Variants in NEMP2 observed in about 807,000 individuals in gnomAD.
NEMP2 encodes the protein nuclear envelope integral membrane protein 2.
In NEMP2, 53 loss-of-function variants were observed where a neutral mutation model predicts 54.2. That is an observed-to-expected ratio of 0.98 (90% CI 0.78 to 1.23). The LOEUF is 1.23. Among genes scored for constraint, NEMP2 ranks in the 50% most tolerant of loss-of-function variants. NEMP2 has a pLI of 0.00. For missense variants in NEMP2, 455 were observed against 511.3 expected, an observed-to-expected ratio of 0.89 and a Z score of 1.06; for synonymous variants, 197 against 190.3, an observed-to-expected ratio of 1.04 and a Z score of -0.29.
rs1690740365 is a variant in NEMP2 at position 190,521,208 on chromosome 2, C to T, written c.214-2025G>A. Among the ~76,000 whole-genome samples, 1 of 152,180 alleles carries T rather than the reference C, an allele frequency of 6.6e-6. No individual in the cohort carries two copies. Among genetic ancestry groups the T allele is most frequent in the Admixed American group, 6.5e-5 (1 of 15,286 alleles). ...ACAACTTCTTCCTCAATACTCAACA[C>T]CTTCTCCCCATCCTCTTCTCCACTG... On this transcript the variant is annotated intron_variant, in intron 2 of 8. Coordinates refer to ENST00000409150, the MANE Select transcript of NEMP2 (RefSeq NM_001142645.2). This position sits in a 1 kb window ranked among gnomAD's most constrained non-coding sequence, Gnocchi z 6.2.
chr2:190,509,159 C>T lies in NEMP2; in HGVS notation c.*30G>A. 6.4e-7 allele frequency: 1 copy of T among 1,551,152 alleles called. No homozygotes were observed. ...CCCTGCCCTTTGCCCACTTCCTTGT[C>T]CAGAATGAAGTCAACTTGAAGGTCG... On this transcript the variant is annotated 3_prime_UTR_variant, in exon 9 of 9. Coordinates refer to ENST00000409150, the MANE Select transcript of NEMP2 (RefSeq NM_001142645.2). This position sits in a 1 kb window ranked among gnomAD's most constrained non-coding sequence, Gnocchi z 6.1.
At chr2:190,625,066 C>T in the NEMP2 span, 1 of 152,174 alleles carries the variant, frequency 6.6e-6, no homozygotes, top group East Asian at 1.9e-4. Context: ...AAAAGTTAAC[C>T]ATGGAGTTGC....
chr2:190,613,682 G>A, the NEMP2 span, among the ~76,000 whole-genome samples: 1 of 152,016 alleles, frequency 6.6e-6, no homozygotes. Context: ...TCCGCCTCCT[G>A]GGTTCAAGCA....
chr2:190,457,625 C>T, the NEMP2 span, among the ~76,000 whole-genome samples: 3 of 152,198 alleles, frequency 2.0e-5, no homozygotes, highest in Non-Finnish European at 4.4e-5. This position sits in a 1 kb window ranked among gnomAD's most constrained non-coding sequence, Gnocchi z 5.1. Context: ...TGTACTGGCT[C>T]AGGCAGAATT....
chr2:190,512,173 GA>G lies in NEMP2; in HGVS notation c.954-1637del, dbSNP rs963177541. Among the ~76,000 whole-genome samples the G allele has an allele frequency of 3.9e-5, 6 of 152,266 alleles. 1 individual carries two copies. In the East Asian group the frequency reaches 1.2e-3, roughly 29 times the overall value. On this transcript the variant is annotated intron_variant, in intron 7 of 8. Transcript: ENST00000409150. The surrounding 1 kb of genome is among the most constrained non-coding windows in gnomAD (Gnocchi z 4.5). ...AAGACCTGGACATAGTCCTGGCTTT[GA>G]GATTTATTCACTATATGAACTTGGG...
At chr2:190,469,954 A>G in the NEMP2 span, 1 of 785,030 alleles carries the variant, frequency 1.3e-6, no homozygotes. This position sits in a 1 kb window ranked among gnomAD's most constrained non-coding sequence, Gnocchi z 5.3. Flanking sequence ...AAGGAAGGGC[A>G]GGCCTACTGT....
the NEMP2 span, among the ~76,000 whole-genome samples, chr2:190,482,399 CTTTT>C: frequency 4.9e-5 from 7 of 142,002 alleles, no homozygotes; most frequent in Non-Finnish European, 4.6e-5. Flanking sequence ...GGAAGCTTTC[CTTTT>C]TTTTTTTTTT....
chr2:190,423,302 A>G, the NEMP2 span, among the ~76,000 whole-genome samples: 1 of 152,108 alleles, frequency 6.6e-6, no homozygotes, highest in Admixed American at 6.5e-5. The surrounding 1 kb of genome is among the most constrained non-coding windows in gnomAD (Gnocchi z 4.3). Context: ...CCCACTCTCT[A>G]GTGAATTCCT....
the NEMP2 span, among the ~76,000 whole-genome samples, chr2:190,484,801 C>A: frequency 6.6e-6 from 1 of 152,124 alleles, no homozygotes; most frequent in African/African-American, 2.4e-5. Flanking sequence ...TTCACTTATA[C>A]GATATCTTAA....
At chr2:190,434,321 A>T in the NEMP2 span, among the ~76,000 whole-genome samples, 1 of 152,232 alleles carries the variant, frequency 6.6e-6, no homozygotes, top group South Asian at 2.1e-4. This position sits in a 1 kb window ranked among gnomAD's most constrained non-coding sequence, Gnocchi z 4.3. Context: ...CACTTTAATC[A>T]TTCAATCTTT....
the NEMP2 span, chr2:190,628,745 A>G: frequency 2.0e-5 from 3 of 152,264 alleles, no homozygotes; most frequent in Admixed American, 1.3e-4. The surrounding 1 kb of genome is among the most constrained non-coding windows in gnomAD (Gnocchi z 4.1). Context: ...GAGAGAAAGA[A>G]AAATAAATCT....
the NEMP2 span, among the ~76,000 whole-genome samples, chr2:190,543,141 C>T: frequency 4.6e-5 from 7 of 152,200 alleles, no homozygotes; most frequent in Non-Finnish European, 8.8e-5. The surrounding 1 kb of genome is among the most constrained non-coding windows in gnomAD (Gnocchi z 4.7). Flanking sequence ...GTTTGCCTGG[C>T]ACTAATAAAT....
chr2:190,532,030 T>C (rs1691162460), intron 1 of NEMP2, among the ~76,000 whole-genome samples: 1 of 152,152 alleles, frequency 6.6e-6, no homozygotes, highest in African/African-American at 2.4e-5. Context: ...TATAAACACT[T>C]ATTAACTTAT....
chr2:190,539,167 G>A (rs375245838), upstream of NEMP2, among the ~76,000 whole-genome samples: 4 of 152,080 alleles, frequency 2.6e-5, no homozygotes, highest in African/African-American at 7.2e-5. The surrounding 1 kb of genome is among the most constrained non-coding windows in gnomAD (Gnocchi z 4.1). Flanking sequence ...TTCTGCATAT[G>A]GTTATCCATT....
the NEMP2 span, among the ~76,000 whole-genome samples, chr2:190,594,717 G>A: frequency 6.6e-6 from 1 of 152,174 alleles, no homozygotes; most frequent in Non-Finnish European, 1.5e-5. The surrounding 1 kb of genome is among the most constrained non-coding windows in gnomAD (Gnocchi z 5.6). Context: ...ACAGGCGTGT[G>A]CCAGTACACC....
At chr2:190,472,730 T>C in the NEMP2 span, among the ~76,000 whole-genome samples, 5 of 151,980 alleles carry the variant, frequency 3.3e-5, no homozygotes, top group African/African-American at 9.7e-5. Flanking sequence ...TCAGGAAATA[T>C]AGAGAAGCCA....
chr2:190,446,737 A>T, the NEMP2 span, among the ~76,000 whole-genome samples: 1 of 152,202 alleles, frequency 6.6e-6, no homozygotes, highest in African/African-American at 2.4e-5. Context: ...GGTCTGCTCA[A>T]CCCAAAACTA....
At chr2:190,535,187 A>G (rs1311176408), upstream of NEMP2, 1 of 152,296 alleles carries the variant, frequency 6.6e-6, no homozygotes, top group Non-Finnish European at 1.5e-5. Context: ...AAAATACATA[A>G]AAGCCAGTTT....
chr2:190,483,360 A>C, the NEMP2 span, among the ~76,000 whole-genome samples: 1 of 152,200 alleles, frequency 6.6e-6, no homozygotes, highest in Non-Finnish European at 1.5e-5. Context: ...CTTGGGTTCA[A>C]ATCCTATTCA....
Sources: gnomAD v4.1 joint callset for allele counts (sites outside exome capture counted in the v4.1 genomes callset) on GRCh38, gnomAD v4.1.1 for gene constraint, Gnocchi (gnomAD v3.1) non-coding constraint, MANE v1.5 for transcripts, NCBI Gene and HGNC (gene_info 2026-07-23, HGNC 2026-07-21) for gene names.